The following POC1A variants were observed in gnomAD, a reference collection of about 807,000 sequenced individuals.
POC1A encodes POC1 centriolar protein A.
In POC1A, 34 loss-of-function variants were observed where a neutral mutation model predicts 47.8. The ratio of observed to expected loss-of-function variants is 0.71; its 90% confidence interval spans 0.54 to 0.95. The LOEUF is 0.95. POC1A is among the 40% of genes least tolerant of loss of function. The pLI, the probability that POC1A is intolerant of heterozygous loss-of-function variation, is 0.00. For missense variants in POC1A, 466 were observed against 528.3 expected, an observed-to-expected ratio of 0.88 and a Z score of 1.16; for synonymous variants, 177 against 207.6, an observed-to-expected ratio of 0.85 and a Z score of 1.27.
At chr3:52,130,385 T>C (rs954073559) in intron 7 of POC1A, among the ~76,000 whole-genome samples, 8 of 152,190 alleles carry the variant, frequency 5.3e-5, no homozygotes, top group African/African-American at 1.9e-4. Flanking sequence ...AGGAGGCTCC[T>C]GCACTCACTT....
intron 1 of POC1A, among the ~76,000 whole-genome samples, chr3:52,152,773 CAT>C (rs1483028745): frequency 6.6e-6 from 1 of 152,142 alleles, no homozygotes; most frequent in Middle Eastern, 3.2e-3. Context: ...TCCATCAACA[CAT>C]GACTGAATAA....
At chr3:52,081,889 CAG>C (rs1423654353) in intron 10 of POC1A, among the ~76,000 whole-genome samples, 1 of 151,984 alleles carries the variant, frequency 6.6e-6, no homozygotes, top group East Asian at 1.9e-4. Flanking sequence ...TGGACAGAAC[CAG>C]AGATAGCCAC....
intron 6 of POC1A, among the ~76,000 whole-genome samples, 159 bp from the exon 7 acceptor site, chr3:52,138,461 A>T (rs1698061977): frequency 6.6e-6 from 1 of 152,142 alleles, no homozygotes; most frequent in South Asian, 2.1e-4. Flanking sequence ...CCCAACAAGG[A>T]TTTCCCAGGA....
At chr3:52,135,226 C>T (rs1383596146) in intron 7 of POC1A, among the ~76,000 whole-genome samples, 1 of 152,216 alleles carries the variant, frequency 6.6e-6, no homozygotes, top group Non-Finnish European at 1.5e-5. Context: ...CTACCCCCAG[C>T]TGGAGCAAAG....
At chr3:52,101,395 GA>G (rs11289961) in intron 9 of POC1A, among the ~76,000 whole-genome samples, 151,951 of 151,972 alleles carry the variant, frequency 1, 75,965 homozygotes, top group Middle Eastern at 1. Flanking sequence ...AAGGCAGGGA[GA>G]AAAAAAAACC....
rs1702379146 is a variant in POC1A, at chr3:52,083,923, C to A, written c.1126-7938G>T. On this transcript the variant is annotated intron_variant, in intron 10 of 10. Coordinates refer to ENST00000296484, the MANE Select transcript of POC1A (RefSeq NM_015426.5). Reference sequence around the variant, plus strand: ...CACACTCTTGGAACTGTCAGGAGGCCAGGGTGCTTGGCCTCAAGTGGTTGA... The same window carrying A: ...CACACTCTTGGAACTGTCAGGAGGCAAGGGTGCTTGGCCTCAAGTGGTTGA... Among the ~76,000 whole-genome samples the A allele has an allele frequency of 2.6e-5, 4 of 152,346 alleles. No homozygotes were observed. In the East Asian group the frequency reaches 7.7e-4, roughly 29 times the overall value.
At chr3:52,092,940 A>G (rs1333780244) in intron 10 of POC1A, among the ~76,000 whole-genome samples, 1 of 152,194 alleles carries the variant, frequency 6.6e-6, no homozygotes, top group Non-Finnish European at 1.5e-5. Flanking sequence ...TCCGGAGACC[A>G]GGAGCCTTGC....
Position 52,154,347 on chromosome 3 carries a change from G to A in POC1A, c.18+8C>T, listed in dbSNP as rs1577937728. The A allele has an allele frequency of 3.2e-6, 5 of 1,554,640 alleles. No individual in the cohort carries two copies. The highest frequency in any genetic ancestry group is 4.3e-6 in the Non-Finnish European group (5 of 1,154,870). ...GAGGCCTGGGGAGTTGCTCTCGGCT[G>A]GGCTTACCGCGCAGGGCGCAGCCAT... is the stretch of plus-strand genomic sequence containing the variant. On this transcript the variant is annotated splice_region_variant and intron_variant, in intron 1 of 10. Transcript: ENST00000296484.
intron 4 of POC1A, among the ~76,000 whole-genome samples, chr3:52,147,599 AATTTT>A (rs1222912269): frequency 2.0e-5 from 3 of 151,616 alleles, no homozygotes; most frequent in East Asian, 1.9e-4. Context: ...ACACCCAGCT[AATTTT>A]ATTTTATTTT....
chr3:52,143,317 T>A (rs1054245412), intron 6 of POC1A, among the ~76,000 whole-genome samples: 4 of 151,986 alleles, frequency 2.6e-5, no homozygotes, highest in Admixed American at 2.6e-4. Context: ...ATCATGGAGA[T>A]CCGCCCCTGC....
chr3:52,103,009 G>T (rs1336767511), intron 9 of POC1A, among the ~76,000 whole-genome samples: 1 of 152,218 alleles, frequency 6.6e-6, no homozygotes, highest in Non-Finnish European at 1.5e-5. Flanking sequence ...TAAAAGGATA[G>T]ACACGTACAT....
chr3:52,125,253 G>A (rs2107105871), intron 7 of POC1A, 72 bp from the exon 8 acceptor site: 1 of 1,251,532 alleles, frequency 8.0e-7, no homozygotes, highest in South Asian at 1.2e-5. Flanking sequence ...AAGAAAACGA[G>A]ACGTTCTTGA....
intron 7 of POC1A, 122 bp downstream of exon 7, chr3:52,138,047 G>T: frequency 9.6e-7 from 1 of 1,036,508 alleles, no homozygotes; most frequent in Non-Finnish European, 1.5e-6. Context: ...ACATGGAAAT[G>T]CCTCCATCCA....
intron 2 of POC1A, among the ~76,000 whole-genome samples, chr3:52,150,585 G>A (rs1394202403): frequency 2.6e-5 from 4 of 152,200 alleles, no homozygotes; most frequent in African/African-American, 4.8e-5. Context: ...CAGTGGGGTC[G>A]AGGGGGGTGC....
chr3:52,096,546 G>A, intron 10 of POC1A, 23 bp downstream of exon 10: 1 of 1,523,678 alleles, frequency 6.6e-7, no homozygotes, highest in Non-Finnish European at 8.8e-7. Context: ...CGGGATGACG[G>A]GTGAACCCAC....
At chr3:52,092,614 CTA>C (rs993737537) in intron 10 of POC1A, among the ~76,000 whole-genome samples, 1 of 152,162 alleles carries the variant, frequency 6.6e-6, no homozygotes, top group African/African-American at 2.4e-5. Flanking sequence ...AGGATGAAAA[CTA>C]TGATGAGTAT....
intron 9 of POC1A, among the ~76,000 whole-genome samples, chr3:52,116,646 A>G (rs748859283): frequency 2.0e-5 from 3 of 152,218 alleles, no homozygotes; most frequent in Non-Finnish European, 1.5e-5. Context: ...GTGGAAAATT[A>G]TAAGTGCTCC....
chr3:52,108,367 G>C (rs545534068), intron 9 of POC1A, among the ~76,000 whole-genome samples: 1 of 152,226 alleles, frequency 6.6e-6, no homozygotes, highest in Non-Finnish European at 1.5e-5. Context: ...ACGAGCGGCA[G>C]AGCCGACATC....
chr3:52,100,672 G>A (rs1702967817), intron 9 of POC1A, among the ~76,000 whole-genome samples: 1 of 152,174 alleles, frequency 6.6e-6, no homozygotes. Flanking sequence ...TAAGAGTGCA[G>A]AACCCCCAGG....
Sources: gnomAD v4.1 joint callset for allele counts (sites outside exome capture counted in the v4.1 genomes callset) on GRCh38, gnomAD v4.1.1 for gene constraint, MANE v1.5 for transcripts, NCBI Gene and HGNC (gene_info 2026-07-23, HGNC 2026-07-21) for gene names.